HDAC9: variants seen among roughly 807,000 people sequenced by gnomAD.
The protein encoded by HDAC9 is histone deacetylase 9.
In HDAC9, 41 loss-of-function variants were observed where a neutral mutation model predicts 139.4. The ratio of observed to expected loss-of-function variants is 0.29; its 90% CI spans 0.23 to 0.38. The LOEUF (loss-of-function observed/expected upper bound fraction) is 0.38. Among genes scored for constraint, HDAC9 ranks in the 10% least tolerant of loss-of-function variants. The pLI is 1.00. For synonymous variants in HDAC9, 517 were observed against 476.2 expected, an observed-to-expected ratio of 1.09 and a Z score of -1.12; for missense variants, 1,147 against 1,297.0, an observed-to-expected ratio of 0.88 and a Z score of 1.78.
At chr7:18,288,945 G>T (rs625733), upstream of HDAC9, among the ~76,000 whole-genome samples, 16,067 of 152,208 alleles carry the variant, frequency 0.11, 1,867 homozygotes, top group African/African-American at 0.29. Flanking sequence ...GCTGTTAAGA[G>T]TTTTGGAGAA....
At chr7:18,264,761 A>G (rs1245928256) in intron 2 of HDAC9, among the ~76,000 whole-genome samples, 4 of 152,212 alleles carry the variant, frequency 2.6e-5, no homozygotes, top group African/African-American at 7.2e-5. Context: ...ATTACTATCT[A>G]TCTTATTGAC....
intron 21 of HDAC9, among the ~76,000 whole-genome samples, chr7:18,858,259 C>A (rs111282181): frequency 6.6e-6 from 1 of 152,098 alleles, no homozygotes; most frequent in African/African-American, 2.4e-5. Flanking sequence ...AAGAAATACC[C>A]TAGACTGGGT....
At chr7:18,772,682 C>T (rs1562930498) in intron 16 of HDAC9, among the ~76,000 whole-genome samples, 1 of 152,040 alleles carries the variant, frequency 6.6e-6, no homozygotes, top group Non-Finnish European at 1.5e-5. Context: ...TATATCTCCT[C>T]TTCCTAACTG....
intron 22 of HDAC9, among the ~76,000 whole-genome samples, chr7:18,916,693 A>G (rs149272466): frequency 6.6e-6 from 1 of 152,022 alleles, no homozygotes; most frequent in African/African-American, 2.4e-5. Context: ...CTACCCGCCT[A>G]TCAGAGCCAT....
At chr7:18,392,642 A>G (rs1211270362) in intron 1 of HDAC9, among the ~76,000 whole-genome samples, 1 of 152,090 alleles carries the variant, frequency 6.6e-6, no homozygotes, top group African/African-American at 2.4e-5. Flanking sequence ...ACCTCTGTGT[A>G]TTGCGCATCC....
intron 22 of HDAC9, among the ~76,000 whole-genome samples, chr7:18,895,644 G>T (rs1801124817): frequency 6.6e-6 from 1 of 152,068 alleles, no homozygotes; most frequent in Non-Finnish European, 1.5e-5. Flanking sequence ...TATGAAAGAA[G>T]AAAGTTTTGA....
rs1384556814 is a variant in HDAC9, at chr7:18,727,557, C to T, written c.1732-23C>T. 4.5e-6 allele frequency: 7 copies of T among 1,568,466 alleles called. 1 individual carries two copies. Among genetic ancestry groups the T allele is most frequent in the South Asian group, 3.6e-5 (3 of 84,288 alleles). On this transcript the variant is annotated intron_variant, in intron 12 of 25. Transcript: ENST00000686413. ...AATCCTTGTCTCACATTTCTTTCTA[C>T]TGTGCTCTTTTCTTGGCAACAGCCT...
intron 24 of HDAC9, among the ~76,000 whole-genome samples, chr7:18,967,496 G>T (rs1563092876): frequency 4.8e-5 from 5 of 104,762 alleles, no homozygotes; most frequent in Non-Finnish European, 5.6e-5. Context: ...AAATAAAGTT[G>T]CCCCCCCCCC....
intron 2 of HDAC9, among the ~76,000 whole-genome samples, chr7:18,556,898 C>T (rs1473357746): frequency 6.6e-6 from 1 of 151,956 alleles, no homozygotes; most frequent in Non-Finnish European, 1.5e-5. Context: ...TTAAGTAAAT[C>T]TAATGAGTGC....
intron 22 of HDAC9, among the ~76,000 whole-genome samples, chr7:18,891,290 T>C (rs1169772505): frequency 6.6e-6 from 1 of 152,184 alleles, no homozygotes; most frequent in Non-Finnish European, 1.5e-5. Context: ...ATTTATGAAA[T>C]GTAGTTAATT....
intron 1 of HDAC9, among the ~76,000 whole-genome samples, chr7:18,447,904 T>C (rs1315411175): frequency 6.6e-6 from 1 of 152,176 alleles, no homozygotes; most frequent in African/African-American, 2.4e-5. Flanking sequence ...TGGAGTGGCA[T>C]GATCTCTGCT....
chr7:18,143,801 A>T (rs1276391801), intron 1 of HDAC9, among the ~76,000 whole-genome samples: 4 of 151,876 alleles, frequency 2.6e-5, no homozygotes, highest in African/African-American at 9.7e-5. Context: ...TCAAAAAAAA[A>T]AAAAAGAGTG....
intron 1 of HDAC9, among the ~76,000 whole-genome samples, chr7:18,307,852 G>C (rs1186337149): frequency 6.6e-6 from 1 of 152,010 alleles, no homozygotes; most frequent in Non-Finnish European, 1.5e-5. Flanking sequence ...TATTATTAAA[G>C]TCATAGTAAT....
chr7:18,840,409 G>C (rs1373968449), intron 21 of HDAC9, among the ~76,000 whole-genome samples: 1 of 152,026 alleles, frequency 6.6e-6, no homozygotes, highest in Non-Finnish European at 1.5e-5. Context: ...GACCCAGAAG[G>C]ACTCTCTTGC....
chr7:18,511,914 G>C (rs1253676084), intron 2 of HDAC9, among the ~76,000 whole-genome samples: 1 of 151,158 alleles, frequency 6.6e-6, no homozygotes, highest in Non-Finnish European at 1.5e-5. Context: ...TATGCTATTA[G>C]CCATATGGGT....
At chr7:18,155,655 T>A (rs1460149931) in intron 1 of HDAC9, among the ~76,000 whole-genome samples, 1 of 152,156 alleles carries the variant, frequency 6.6e-6, no homozygotes, top group Non-Finnish European at 1.5e-5. Context: ...AGAATGGAGC[T>A]TATTATTTGC....
At chr7:18,883,273 C>T (rs560512886) in intron 22 of HDAC9, among the ~76,000 whole-genome samples, 7 of 151,974 alleles carry the variant, frequency 4.6e-5, no homozygotes, top group Non-Finnish European at 1.0e-4. Flanking sequence ...ACTTGAGAGT[C>T]AGAAAAAAAC....
chr7:18,510,319 A>G (rs1431437774), intron 2 of HDAC9, among the ~76,000 whole-genome samples: 2 of 152,308 alleles, frequency 1.3e-5, no homozygotes, highest in Non-Finnish European at 2.9e-5. Flanking sequence ...TGCATTCAAA[A>G]TGTGAAATGT....
chr7:18,378,732 G>A (rs974920486), intron 1 of HDAC9, among the ~76,000 whole-genome samples: 2 of 151,922 alleles, frequency 1.3e-5, no homozygotes, highest in African/African-American at 2.4e-5. Flanking sequence ...GTAAACATAC[G>A]CATTTTATAA....
Sources: gnomAD v4.1 joint callset for allele counts (sites outside exome capture counted in the v4.1 genomes callset) on GRCh38, gnomAD v4.1.1 for gene constraint, MANE v1.5 for transcripts, NCBI Gene and HGNC (gene_info 2026-07-23, HGNC 2026-07-21) for gene names.